NEK10: variants seen among roughly 807,000 people sequenced by gnomAD.
NEK10 encodes NIMA related kinase 10.
A neutral mutation model predicts 159.8 loss-of-function variants in NEK10; 122 were observed. That is an observed-to-expected ratio of 0.76 (90% CI 0.66 to 0.89). The LOEUF (loss-of-function observed/expected upper bound fraction) is 0.89, where lower values mean the gene tolerates loss of function less well. Ranked by LOEUF, NEK10 falls within the 40% of genes least tolerant of loss-of-function variation. The probability of loss-of-function intolerance (pLI) is 0.00; values close to 1 mark genes in which losing one functional copy is unlikely to be tolerated. For synonymous variants in NEK10, 466 were observed against 457.1 expected, an observed-to-expected ratio of 1.02 and a Z score of -0.25; for missense variants, 1,342 against 1,323.1, an observed-to-expected ratio of 1.01 and a Z score of -0.22.
At chr3:27,363,814 T>C (rs1055269460) in intron 1 of NEK10, 2 of 152,152 alleles carry the variant, frequency 1.3e-5, no homozygotes, top group African/African-American at 4.8e-5. Flanking sequence ...AGTTGACAAG[T>C]CTGGGAATGT....
At chr3:27,164,320 G>A (rs564767205) in intron 29 of NEK10, among the ~76,000 whole-genome samples, 2 of 152,256 alleles carry the variant, frequency 1.3e-5, no homozygotes, top group East Asian at 1.9e-4. Flanking sequence ...TTGTATGCCT[G>A]CACAAATGCC....
At chr3:27,252,036 T>TA in intron 23 of NEK10, among the ~76,000 whole-genome samples, 1 of 152,300 alleles carries the variant, frequency 6.6e-6, no homozygotes, top group African/African-American at 2.4e-5. Flanking sequence ...ATATTAATAT[T>TA]AAAAAATGAC....
intron 5 of NEK10, among the ~76,000 whole-genome samples, chr3:27,334,955 T>A (rs1191923374): frequency 1.3e-5 from 2 of 152,104 alleles, no homozygotes; most frequent in Non-Finnish European, 2.9e-5. Context: ...TTCAGTGAGA[T>A]ATAAGAAAAG....
At chr3:27,225,134 G>A (rs895037735) in intron 23 of NEK10, among the ~76,000 whole-genome samples, 3 of 152,238 alleles carry the variant, frequency 2.0e-5, no homozygotes, top group African/African-American at 7.2e-5. Flanking sequence ...AGAACTTGGA[G>A]TCCAGTGTTC....
chr3:27,350,118 C>T (rs2047862817), intron 3 of NEK10, among the ~76,000 whole-genome samples: 1 of 152,120 alleles, frequency 6.6e-6, no homozygotes, highest in Non-Finnish European at 1.5e-5. Flanking sequence ...AAAAACAGGC[C>T]ACAACTTGTT....
At chr3:27,303,417 T>C (rs1162495180) in intron 12 of NEK10, among the ~76,000 whole-genome samples, 2 of 152,128 alleles carry the variant, frequency 1.3e-5, no homozygotes, top group East Asian at 3.9e-4. Flanking sequence ...ATAGGTATGA[T>C]TGTCCAATAA....
intron 23 of NEK10, among the ~76,000 whole-genome samples, chr3:27,232,478 A>T (rs1217743280): frequency 6.6e-6 from 1 of 151,950 alleles, no homozygotes; most frequent in Admixed American, 6.6e-5. Context: ...TAAGAAAATG[A>T]CCATACTATC....
At chr3:27,363,846 T>C (rs1229370498) in intron 1 of NEK10, 1 of 152,130 alleles carries the variant, frequency 6.6e-6, no homozygotes, top group Non-Finnish European at 1.5e-5. Flanking sequence ...GTTATACCAC[T>C]GGAATATAGT....
chr3:27,335,109 C>T (rs888319200), intron 5 of NEK10, among the ~76,000 whole-genome samples: 13 of 151,978 alleles, frequency 8.6e-5, no homozygotes, highest in South Asian at 2.1e-4. Flanking sequence ...GAGGCGGAGG[C>T]GAGTGGATCA....
At chr3:27,282,305 T>G (rs2042217294) in intron 22 of NEK10, among the ~76,000 whole-genome samples, 1 of 151,940 alleles carries the variant, frequency 6.6e-6, no homozygotes, top group Non-Finnish European at 1.5e-5. Context: ...TAAACTATTT[T>G]GATGCGTGAT....
intron 25 of NEK10, among the ~76,000 whole-genome samples, chr3:27,201,037 G>C (rs1949999546): frequency 1.3e-5 from 2 of 152,136 alleles, no homozygotes; most frequent in African/African-American, 4.8e-5. Flanking sequence ...TATAGTGATA[G>C]CTGGAGCTCC....
At chr3:27,172,599 A>G (rs1002569620) in intron 28 of NEK10, among the ~76,000 whole-genome samples, 1 of 152,016 alleles carries the variant, frequency 6.6e-6, no homozygotes, top group Non-Finnish European at 1.5e-5. Flanking sequence ...AAAAATAGCT[A>G]GAAGGGGAGA....
chr3:27,191,631 C>T (rs540096762), intron 26 of NEK10, among the ~76,000 whole-genome samples: 6 of 152,252 alleles, frequency 3.9e-5, no homozygotes, highest in South Asian at 2.1e-4. Flanking sequence ...AAGTACAATA[C>T]GAAAAATTTT....
At chr3:27,182,724 G>T (rs1948244706) in intron 26 of NEK10, among the ~76,000 whole-genome samples, 1 of 151,946 alleles carries the variant, frequency 6.6e-6, no homozygotes, top group African/African-American at 2.4e-5. Context: ...AATTGATAAA[G>T]AAATGGGAAA....
At chr3:27,258,765 C>G (rs971850612) in intron 22 of NEK10, among the ~76,000 whole-genome samples, 24 of 152,174 alleles carry the variant, frequency 1.6e-4, no homozygotes, top group African/African-American at 5.8e-4. Context: ...AATGCTATTT[C>G]TAGTTCTAGA....
chr3:27,257,589 A>G (rs1302888315), intron 22 of NEK10, among the ~76,000 whole-genome samples: 1 of 152,194 alleles, frequency 6.6e-6, no homozygotes. Context: ...ACTAGCATAA[A>G]TTCAGCCACT....
intron 31 of NEK10, among the ~76,000 whole-genome samples, chr3:27,135,338 A>C (rs1315521202): frequency 6.6e-6 from 1 of 152,220 alleles, no homozygotes; most frequent in East Asian, 1.9e-4. Context: ...CCATCTTACA[A>C]ATGAAGAAAG....
rs769942740 is a variant in NEK10, at chr3:27,307,891, C to A, written c.771G>T (p.Met257Ile). ...AAAGCAAGTCATATTCATGTAAAAT[C>A]ATCAACAGATTTTCTACAATGTTGA... ...SELNIVENLL[M>I]ILHEYDLLSK... is the part of the protein sequence containing the mutation. Residue 257 changes from methionine (M) to isoleucine (I), a missense_variant, in exon 11 of 36, where the codon ATG becomes ATT. By Grantham distance (10) the Met-to-Ile change is conservative. Transcript: ENST00000691995. 1 of 1,568,594 alleles carries A rather than the reference C, an allele frequency of 6.4e-7. No individual in the cohort carries two copies. Among genetic ancestry groups the A allele is most frequent in the African/African-American group, 1.3e-5 (1 of 74,094 alleles).
chr3:27,203,129 A>G (rs1032151107), intron 23 of NEK10, among the ~76,000 whole-genome samples: 1 of 152,202 alleles, frequency 6.6e-6, no homozygotes, highest in African/African-American at 2.4e-5. Context: ...TGGGCCCAGC[A>G]TAAGACACAC....
Sources: allele counts gnomAD v4.1 joint callset (sites outside exome capture counted in the v4.1 genomes callset), GRCh38; gene constraint gnomAD v4.1.1; transcripts MANE v1.5; gene names NCBI Gene and HGNC (gene_info 2026-07-23, HGNC 2026-07-21).